Variants in PEX5 observed in about 807,000 individuals in gnomAD.
The protein encoded by PEX5 is PTS1 receptor.
PEX5 carries 52 observed loss-of-function variants against 82.9 expected under a neutral mutation model. That is an observed-to-expected ratio of 0.63 (90% CI 0.50 to 0.79). The LOEUF is 0.79. Among genes scored for constraint, PEX5 ranks in the 30% least tolerant of loss-of-function variants. PEX5 has a pLI of 0.00. For missense variants in PEX5, 719 were observed against 815.2 expected, an observed-to-expected ratio of 0.88 and a Z score of 1.44; for synonymous variants, 300 against 318.8, an observed-to-expected ratio of 0.94 and a Z score of 0.63.
Position 7,210,282 on chromosome 12 carries a change from T to G in PEX5, c.*59T>G. ...GGAGGGATCCCCGCTTTGGATGTGA[T>G]TCCCTCTCCCCAAATGGGCCTACCA... On this transcript the variant is annotated 3_prime_UTR_variant, in exon 16 of 16. Coordinates refer to ENST00000675855, the MANE Select transcript of PEX5 (RefSeq NM_001351132.2). 3 of 1,531,266 alleles carry G rather than the reference T, an allele frequency of 2.0e-6. No homozygotes were observed. Among genetic ancestry groups the G allele is most frequent in the Non-Finnish European group, 2.7e-6 (3 of 1,108,316 alleles). The allele number at this position is 1,531,266 out of a possible 1,614,324, so 94.9% of individuals were successfully genotyped here. A position where few individuals can be genotyped will look rare whatever the true frequency, so the allele number is the denominator to read the frequency against.
intron 5 of PEX5, among the ~76,000 whole-genome samples, chr12:7,194,488 G>GTT: frequency 6.6e-6 from 1 of 152,216 alleles, no homozygotes; most frequent in South Asian, 2.1e-4. Context: ...GTGTGTGTGT[G>GTT]TTTTTTGCAA....
At chr12:7,203,300 AACT>A in intron 9 of PEX5, 129 bp from the exon 10 acceptor site, 1 of 1,095,982 alleles carries the variant, frequency 9.1e-7, no homozygotes. Context: ...CATTTTAAAA[AACT>A]TATTCAGATG....
In PEX5 at chr12:7,201,342, T is replaced by TAC. The variant is rs1555178501; in HGVS notation, c.552-408_552-407insCA. Among the ~76,000 whole-genome samples the TAC allele has an allele frequency of 7.8e-3, 1,185 of 152,052 alleles. 17 individuals carry two copies. The highest frequency in any genetic ancestry group is 0.028 in the African/African-American group (1,142 of 41,412). Reference sequence around the variant, plus strand: ...ATATACATACACACATACACGTATATATACATATCAGCTATATTTGGGAGG... The same window carrying TAC: ...ATATACATACACACATACACGTATATACATACATATCAGCTATATTTGGGAGG... On this transcript the variant is annotated intron_variant, in intron 6 of 15. Coordinates refer to ENST00000675855, the MANE Select transcript of PEX5 (RefSeq NM_001351132.2).
chr12:7,198,347 A>G (rs769079073), intron 5 of PEX5, among the ~76,000 whole-genome samples: 1 of 152,212 alleles, frequency 6.6e-6, no homozygotes, highest in Non-Finnish European at 1.5e-5. Context: ...ATGTGAGTGT[A>G]TCAAATGTGG....
rs1034679625 is a variant in PEX5, at chr12:7,190,202, G to T, written c.-16-160G>T. 3 of 1,559,606 alleles carry T rather than the reference G, an allele frequency of 1.9e-6. No homozygotes were observed. In the African/African-American group the frequency reaches 4.1e-5, roughly 21 times the overall value. The stretch of plus-strand genomic sequence containing the variant: ...GCAGGAGAGAGTACCGACCTCCCTC[G>T]AACTCCTGGCAGAGGTGGGGGTCGC... On this transcript the variant is annotated intron_variant, in intron 1 of 15. Coordinates refer to ENST00000675855, the MANE Select transcript of PEX5 (RefSeq NM_001351132.2).
rs771181829 is a variant in PEX5 at position 7,199,003 on chromosome 12, C to T, written c.449-8C>T. ...TGTGTGATTTCCCCACTTCTCTGCTCCTTGCAGACCCCTTGTCTGTGTCCC... is the reference window on the plus strand; with the variant it reads ...TGTGTGATTTCCCCACTTCTCTGCTTCTTGCAGACCCCTTGTCTGTGTCCC... On this transcript the variant is annotated splice_region_variant and splice_polypyrimidine_tract_variant and intron_variant, in intron 5 of 15. Transcript: ENST00000675855. The T allele has an allele frequency of 6.5e-6, 10 of 1,540,828 alleles. No individual in the cohort carries two copies. The African/African-American group carries it at 1.1e-4, about 17-fold the overall frequency.
chr12:7,216,095 G>C (rs11044901), downstream of PEX5, among the ~76,000 whole-genome samples: 44,084 of 151,896 alleles, frequency 0.29, 6,777 homozygotes, highest in South Asian at 0.37. Flanking sequence ...AGCCTCCCGA[G>C]TAGCTGCTAT....
At chr12:7,189,630 T>C (rs932604980), upstream of PEX5, 9 of 314,536 alleles carry the variant, frequency 2.9e-5, no homozygotes, top group South Asian at 6.0e-4. Flanking sequence ...CCTGGGCCGC[T>C]GCGGGGCGGT....
chr12:7,209,662 C>A lies in PEX5; in HGVS notation c.1561-21C>A, dbSNP rs755655719. On this transcript the variant is annotated intron_variant, in intron 14 of 15. Coordinates refer to ENST00000675855, the MANE Select transcript of PEX5 (RefSeq NM_001351132.2). ...TGAGCTGAGTCAAGCTGTTCCCATC[C>A]GTTCTGCATCCCTATCCCAGGACTA... 2.0e-5 allele frequency: 32 copies of A among 1,613,128 alleles called. 2 individuals are homozygous for A. In the Admixed American group the frequency reaches 4.8e-4, roughly 24 times the overall value.
chr12:7,214,206 A>G (rs1945711888), downstream of PEX5, among the ~76,000 whole-genome samples: 1 of 152,230 alleles, frequency 6.6e-6, no homozygotes, highest in Non-Finnish European at 1.5e-5. Flanking sequence ...CATTTGACCC[A>G]GCCATCCCAT....
chr12:7,209,839 C>G lies in PEX5; in HGVS notation c.1717C>G (p.Arg573Gly). 1 of 1,614,208 alleles carries G rather than the reference C, an allele frequency of 6.2e-7. No homozygotes were observed. The highest frequency in any genetic ancestry group is 8.5e-7 in the Non-Finnish European group (1 of 1,180,026). Reference sequence around the variant, plus strand: ...CAGCTGCATCAACCTCGGGGCTCACCGGTGAGAGTATCTATTGAGAAATGA... The same window carrying G: ...CAGCTGCATCAACCTCGGGGCTCACGGGTGAGAGTATCTATTGAGAAATGA... ...GISCINLGAH[R>G]EAVEHFLEAL... is the part of the protein sequence containing the mutation. The change falls in exon 15 of 16, where the codon CGG (arginine) becomes GGG (glycine). Residue 573 changes from arginine (R) to glycine (G), a missense_variant and splice_region_variant. Physicochemically the swap from Arg to Gly is moderately radical, Grantham distance 125 (BLOSUM62 -2). Transcript: ENST00000675855.
chr12:7,199,021 T>G lies in PEX5; in HGVS notation c.459T>G (p.Ser153=). 2 of 1,599,910 alleles carry G rather than the reference T, an allele frequency of 1.3e-6. No homozygotes were observed. The highest frequency in any genetic ancestry group is 1.7e-6 in the Non-Finnish European group (2 of 1,170,348). ...EFISEVTDPL[S]VSPARWAEEY... ...CTCTGCTCCTTGCAGACCCCTTGTCTGTGTCCCCTGCCCGCTGGGCTGAGG... is the reference window on the plus strand; with the variant it reads ...CTCTGCTCCTTGCAGACCCCTTGTCGGTGTCCCCTGCCCGCTGGGCTGAGG... Residue 153 remains serine (S), a synonymous_variant, in exon 6 of 16, where the codon TCT becomes TCG. Coordinates refer to ENST00000675855, the MANE Select transcript of PEX5 (RefSeq NM_001351132.2).
At chr12:7,215,907 C>CAA, downstream of PEX5, among the ~76,000 whole-genome samples, 3 of 151,798 alleles carry the variant, frequency 2.0e-5, no homozygotes, top group African/African-American at 7.3e-5. Flanking sequence ...AAAACAAAAG[C>CAA]CATTTTACAA....
chr12:7,215,096 G>A (rs1029207840), downstream of PEX5, among the ~76,000 whole-genome samples: 2 of 152,032 alleles, frequency 1.3e-5, no homozygotes. Context: ...AATGGACAAA[G>A]GACATGAACA....
At chr12:7,209,529 GA>G (rs1945250443) in intron 14 of PEX5, among the ~76,000 whole-genome samples, 153 bp from the exon 15 acceptor site, 1 of 31,800 alleles carries the variant, frequency 3.1e-5, no homozygotes, top group African/African-American at 1.0e-4. Flanking sequence ...GCCACACACC[GA>G]ACTGTTGAGA....
At chr12:7,212,461 C>T (rs1945637984), downstream of PEX5, among the ~76,000 whole-genome samples, 1 of 14,320 alleles carries the variant, frequency 7.0e-5, no homozygotes, top group South Asian at 5.9e-3. Context: ...TCAAAAGCTG[C>T]CAGAAAAAAA....
chr12:7,200,430 C>T (rs370907046), intron 6 of PEX5, among the ~76,000 whole-genome samples: 13 of 150,906 alleles, frequency 8.6e-5, no homozygotes, highest in East Asian at 5.9e-4. Context: ...AGAGGGGCTC[C>T]TCACATCCCA....
In PEX5 at chr12:7,211,162, G is replaced by C. The variant is rs1945524002; in HGVS notation, c.*939G>C. On this transcript the variant is annotated 3_prime_UTR_variant, in exon 16 of 16. Coordinates refer to ENST00000675855, the MANE Select transcript of PEX5 (RefSeq NM_001351132.2). The stretch of plus-strand genomic sequence containing the variant: ...AGGTTCAGTGTTACCATAAGCCTTT[G>C]CTGTACTTCTTGAAATGTTTCTAGG... The C allele has an allele frequency of 6.6e-6, 1 of 152,626 alleles. No homozygotes were observed. Among genetic ancestry groups the C allele is most frequent in the African/African-American group, 2.4e-5 (1 of 41,424 alleles). 9.5% of individuals were successfully genotyped at this position (152,626 alleles called of 1,614,324 possible). A position where few individuals can be genotyped will look rare whatever the true frequency, so the allele number is the denominator to read the frequency against.
intron 10 of PEX5, among the ~76,000 whole-genome samples, chr12:7,206,888 G>A (rs4242882): frequency 1 from 152,188 of 152,360 alleles, 76,008 homozygotes; most frequent in Middle Eastern, 1. Context: ...GCATGTCCCA[G>A]ATTTTGCAGC....
Sources: allele counts gnomAD v4.1 joint callset (sites outside exome capture counted in the v4.1 genomes callset), GRCh38; gene constraint gnomAD v4.1.1; transcripts MANE v1.5; gene names NCBI Gene and HGNC (gene_info 2026-07-23, HGNC 2026-07-21).